POLR3B: variants seen among roughly 807,000 people sequenced by gnomAD.
POLR3B encodes DNA-directed RNA polymerase III subunit RPC2.
In POLR3B, 96 loss-of-function variants were observed where a neutral mutation model predicts 147.4. The observed-to-expected ratio is 0.65, with a 90% CI of 0.55 to 0.77. The LOEUF is 0.77. Ranked by LOEUF, POLR3B falls within the 30% of genes least tolerant of loss-of-function variation. The pLI, the probability that POLR3B is intolerant of heterozygous loss-of-function variation, is 0.00. For synonymous variants in POLR3B, 461 were observed against 485.9 expected (o/e 0.95, Z 0.67); for missense variants, 1,036 against 1,413.5 (o/e 0.73, Z 4.28).
chr12:106,423,072 A>G (rs566148500), intron 12 of POLR3B, among the ~76,000 whole-genome samples: 5 of 152,172 alleles, frequency 3.3e-5, no homozygotes, highest in African/African-American at 1.2e-4. Context: ...CATTTTAAAT[A>G]AAAATATGAA....
chr12:106,359,395 A>C (rs534380843), intron 1 of POLR3B, among the ~76,000 whole-genome samples: 13 of 143,104 alleles, frequency 9.1e-5, no homozygotes, highest in Non-Finnish European at 1.6e-4. Flanking sequence ...GCAGTGGTGT[A>C]ATCTCGGCTG....
chr12:106,504,105 T>C lies in POLR3B; in HGVS notation c.3123T>C (p.Arg1041=). Residue 1041 remains arginine, a synonymous_variant, in exon 27 of 28, where the codon CGT becomes CGC. Transcript: ENST00000228347. The surrounding 1 kb of genome is among the most constrained non-coding windows in gnomAD (Gnocchi z 4.6). ...GGCAACCCACTGAAGGACGGTCTCG[T>C]GATGGTGGCTTGCGTCTCGGGGAAA... ...LTRQPTEGRS[R]DGGLRLGEME... The C allele has an allele frequency of 6.2e-7, 1 of 1,614,166 alleles. No homozygotes were observed. Among genetic ancestry groups the C allele is most frequent in the Non-Finnish European group, 8.5e-7 (1 of 1,180,002 alleles).
intron 7 of POLR3B, among the ~76,000 whole-genome samples, chr12:106,377,694 T>C (rs1016309135): frequency 2.0e-5 from 3 of 152,192 alleles, no homozygotes; most frequent in South Asian, 2.1e-4. Context: ...TTTTTACATA[T>C]GTCAGGGGCG....
Position 106,359,331 on chromosome 12 carries a change from ATTT to A in POLR3B, c.72+1396_72+1398del, listed in dbSNP as rs35229993. Reference sequence around the variant, plus strand: ...AGGCTGCTGATCATCAGGCAAAACTATTTTTTTTTTTTTTTTTTGAGACGGAGT... The same window carrying A: ...AGGCTGCTGATCATCAGGCAAAACTATTTTTTTTTTTTTTTGAGACGGAGT... On this transcript the variant is annotated intron_variant, in intron 1 of 27. Transcript: ENST00000228347. 1.9e-3 allele frequency among the ~76,000 whole-genome samples: 260 copies of A among 134,894 alleles called. 1 individual carries two copies. The highest frequency in any genetic ancestry group is 7.8e-3 in the Middle Eastern group (2 of 256). The allele number at this position is 134,894 out of a possible 152,430, so 88.5% of individuals were successfully genotyped here. A position where few individuals can be genotyped will look rare whatever the true frequency, so the allele number is the denominator to read the frequency against.
At chr12:106,413,310 C>A (rs575937336) in intron 12 of POLR3B, among the ~76,000 whole-genome samples, 115 of 152,234 alleles carry the variant, frequency 7.6e-4, no homozygotes, top group Middle Eastern at 3.4e-3. Flanking sequence ...ATGTACAATT[C>A]TAGATTGATA....
At chr12:106,407,457 A>G (rs1325252149) in intron 11 of POLR3B, among the ~76,000 whole-genome samples, 2 of 152,198 alleles carry the variant, frequency 1.3e-5, no homozygotes, top group Admixed American at 6.5e-5. Context: ...CCTTCACACT[A>G]TAACTGAGAA....
chr12:106,376,512 G>T (rs2036681642), intron 7 of POLR3B, 62 bp downstream of exon 7: 7 of 1,178,878 alleles, frequency 5.9e-6, no homozygotes, highest in Non-Finnish European at 8.8e-6. Context: ...TGCTGCTGTG[G>T]TTTTAACATT....
At chr12:106,371,933 G>T (rs1396399576) in intron 6 of POLR3B, among the ~76,000 whole-genome samples, 2 of 151,710 alleles carry the variant, frequency 1.3e-5, no homozygotes, top group East Asian at 3.9e-4. Context: ...AAAACTTAAA[G>T]TATAATAATA....
intron 12 of POLR3B, among the ~76,000 whole-genome samples, chr12:106,419,343 G>A (rs1240368700): frequency 1.3e-5 from 2 of 152,178 alleles, no homozygotes; most frequent in Non-Finnish European, 2.9e-5. Flanking sequence ...AAAAGTGGAA[G>A]GACATGTCTT....
At chr12:106,486,341 A>T (rs1440439141) in intron 23 of POLR3B, among the ~76,000 whole-genome samples, 1 of 137,734 alleles carries the variant, frequency 7.3e-6, no homozygotes, top group Non-Finnish European at 1.6e-5. Flanking sequence ...GGTTCAGGGG[A>T]GGTGAGTAGC....
At chr12:106,390,259 ACTCT>A (rs1018865272) in intron 9 of POLR3B, among the ~76,000 whole-genome samples, 1 of 105,316 alleles carries the variant, frequency 9.5e-6, no homozygotes, top group African/African-American at 4.5e-5. Flanking sequence ...AAGCAGAAAA[ACTCT>A]CTCCCCCCCC....
chr12:106,451,280 TA>T (rs1391163935), intron 19 of POLR3B, among the ~76,000 whole-genome samples: 1 of 151,978 alleles, frequency 6.6e-6, no homozygotes, highest in Non-Finnish European at 1.5e-5. Flanking sequence ...CAGAACTCAT[TA>T]ATTTGTACAC....
intron 10 of POLR3B, among the ~76,000 whole-genome samples, chr12:106,398,119 G>A (rs989627966): frequency 1.3e-5 from 2 of 152,216 alleles, no homozygotes; most frequent in Admixed American, 6.5e-5. Context: ...CTGGAAAATC[G>A]GGTCACTCCC....
chr12:106,496,396 G>T, intron 24 of POLR3B: 1 of 624,702 alleles, frequency 1.6e-6, no homozygotes, highest in East Asian at 2.7e-5. Context: ...TCTGAGTGAT[G>T]AATTTACCCC....
intron 12 of POLR3B, among the ~76,000 whole-genome samples, chr12:106,418,621 A>G (rs1050398322): frequency 3.3e-5 from 5 of 152,196 alleles, no homozygotes; most frequent in African/African-American, 1.2e-4. Context: ...AAATCAATTG[A>G]TGAGCTGTCA....
chr12:106,431,972 T>C (rs1444175559), intron 14 of POLR3B, among the ~76,000 whole-genome samples: 1 of 152,238 alleles, frequency 6.6e-6, no homozygotes, highest in African/African-American at 2.4e-5. Flanking sequence ...TTATACAATG[T>C]CATCATAATG....
In POLR3B at chr12:106,444,372, G is replaced by A; in HGVS notation, c.1956-91G>A. ...TTTTATTGACATATAAATCCCTGGA[G>A]GACCTAGATAACAATATTTTTGTAC... On this transcript the variant is annotated intron_variant, in intron 18 of 27. Coordinates refer to ENST00000228347, the MANE Select transcript of POLR3B (RefSeq NM_018082.6). 7 of 1,234,370 alleles carry A rather than the reference G, an allele frequency of 5.7e-6. No homozygotes were observed. In the South Asian group the frequency reaches 7.2e-5, roughly 13 times the overall value. 76.5% of individuals were successfully genotyped at this position (1,234,370 alleles called of 1,614,324 possible).
intron 23 of POLR3B, among the ~76,000 whole-genome samples, chr12:106,471,196 C>G (rs1183647153): frequency 6.6e-6 from 1 of 152,174 alleles, no homozygotes; most frequent in Admixed American, 6.5e-5. Context: ...CTGCCACACT[C>G]CACCATCCCA....
intron 23 of POLR3B, among the ~76,000 whole-genome samples, chr12:106,466,075 T>A (rs2038002197): frequency 6.6e-6 from 1 of 152,208 alleles, no homozygotes; most frequent in Admixed American, 6.5e-5. Flanking sequence ...ACCAACAGTG[T>A]AAAAGTGTTC....
Sources: allele counts gnomAD v4.1 joint callset (sites outside exome capture counted in the v4.1 genomes callset), GRCh38; gene constraint gnomAD v4.1.1; non-coding constraint Gnocchi (gnomAD v3.1); transcripts MANE v1.5; gene names NCBI Gene and HGNC (gene_info 2026-07-23, HGNC 2026-07-21).